The following IGF1R variants were observed in gnomAD, a reference collection of about 807,000 sequenced individuals.
The protein encoded by IGF1R is insulin like growth factor 1 receptor.
In IGF1R, 44 loss-of-function variants were observed where a neutral mutation model predicts 144.6. The ratio of observed to expected loss-of-function variants is 0.30; its 90% CI spans 0.24 to 0.39. The LOEUF is 0.39. Ranked by LOEUF, IGF1R falls within the 10% of genes least tolerant of loss-of-function variation. The pLI is 1.00. For synonymous variants in IGF1R, 795 were observed against 722.8 expected (o/e 1.10, Z -1.60); for missense variants, 1,355 against 1,833.7 (o/e 0.74, Z 4.77).
At chr15:98,836,635 C>G (rs529062680) in intron 2 of IGF1R, among the ~76,000 whole-genome samples, 1 of 152,066 alleles carries the variant, frequency 6.6e-6, no homozygotes, top group East Asian at 1.9e-4. Context: ...TGACACAATA[C>G]TGTTAACCAT....
chr15:98,670,265 G>A (rs775752954), intron 1 of IGF1R, among the ~76,000 whole-genome samples: 1 of 152,138 alleles, frequency 6.6e-6, no homozygotes, highest in Non-Finnish European at 1.5e-5. Context: ...AGATCATTTT[G>A]CCCAGAGGGA....
rs1172990213 is a variant in IGF1R at position 98,958,120 on chromosome 15, TGA to T, written c.*683_*684del. On this transcript the variant is annotated 3_prime_UTR_variant, in exon 21 of 21. Coordinates refer to ENST00000650285, the MANE Select transcript of IGF1R (RefSeq NM_000875.5). ...GAGCATGGCAGCTGGTTGCTCCATT[TGA>T]GAGACACGCTGGCGACACACTCCGT... 2.1e-5 allele frequency: 5 copies of T among 233,786 alleles called. No individual in the cohort carries two copies. Among genetic ancestry groups the T allele is most frequent in the African/African-American group, 6.6e-5 (3 of 45,316 alleles). The allele number at this position is 233,786 out of a possible 1,614,324, so 14.5% of individuals were successfully genotyped here. A position where few individuals can be genotyped will look rare whatever the true frequency, so the allele number is the denominator to read the frequency against.
At chr15:98,724,227 T>C (rs745753703) in intron 2 of IGF1R, among the ~76,000 whole-genome samples, 4 of 152,246 alleles carry the variant, frequency 2.6e-5, no homozygotes, top group Admixed American at 1.3e-4. Context: ...GTATCACTTA[T>C]GAACCAAGAA....
chr15:98,779,048 A>G (rs2055789440), intron 2 of IGF1R, among the ~76,000 whole-genome samples: 1 of 152,230 alleles, frequency 6.6e-6, no homozygotes, highest in South Asian at 2.1e-4. Flanking sequence ...TATTCTTACT[A>G]GCATCACTGT....
At chr15:98,899,678 A>ATTT in intron 5 of IGF1R, 57 bp downstream of exon 5, 2 of 1,569,314 alleles carry the variant, frequency 1.3e-6, no homozygotes, top group Non-Finnish European at 1.8e-6. Context: ...CAGCGTGCTT[A>ATTT]TGAAACTGTG....
intron 2 of IGF1R, among the ~76,000 whole-genome samples, chr15:98,854,351 A>T (rs2011674575): frequency 6.6e-6 from 1 of 152,164 alleles, no homozygotes; most frequent in African/African-American, 2.4e-5. Context: ...CCTGCCTGAG[A>T]TGAGCACAGT....
At chr15:98,689,438 C>A (rs545152299) in intron 1 of IGF1R, among the ~76,000 whole-genome samples, 1 of 29,902 alleles carries the variant, frequency 3.3e-5, no homozygotes, top group South Asian at 8.2e-4. Context: ...AAAGTTTCAT[C>A]ATGTTATTCA....
intron 2 of IGF1R, among the ~76,000 whole-genome samples, chr15:98,710,518 C>T (rs1231033759): frequency 1.3e-5 from 2 of 152,042 alleles, no homozygotes; most frequent in Non-Finnish European, 2.9e-5. Flanking sequence ...AAAATATACA[C>T]TAGATTTCCA....
In IGF1R at chr15:98,923,599, G is replaced by A. The variant is rs191659540; in HGVS notation, c.2486-277G>A. ...AGCAGGCTTTTTTTGTTGAGGGACT[G>A]GGGAGAAAGGAGGATCTTGTGGCAT... is the stretch of plus-strand genomic sequence containing the variant. On this transcript the variant is annotated intron_variant, in intron 11 of 20. Coordinates refer to ENST00000650285, the MANE Select transcript of IGF1R (RefSeq NM_000875.5). Among the ~76,000 whole-genome samples, 31 of 152,344 alleles carry A rather than the reference G, an allele frequency of 2.0e-4. No homozygotes were observed. In the East Asian group the frequency reaches 5.6e-3, roughly 27 times the overall value.
intron 2 of IGF1R, among the ~76,000 whole-genome samples, chr15:98,850,747 G>T (rs1287152689): frequency 6.7e-6 from 1 of 150,080 alleles, no homozygotes; most frequent in Admixed American, 6.6e-5. Flanking sequence ...GCACTTGGTG[G>T]GGGGGGGTAC....
At chr15:98,666,252 C>T (rs1202872735) in intron 1 of IGF1R, among the ~76,000 whole-genome samples, 2 of 151,992 alleles carry the variant, frequency 1.3e-5, no homozygotes, top group Non-Finnish European at 2.9e-5. Flanking sequence ...TGTTGGAACC[C>T]TTGTGCCTTA....
At chr15:98,886,002 G>C (rs2141643028) in intron 2 of IGF1R, among the ~76,000 whole-genome samples, 1 of 152,212 alleles carries the variant, frequency 6.6e-6, no homozygotes, top group East Asian at 1.9e-4. Context: ...TTTTTAGTAA[G>C]AGATGGGGTT....
At chr15:98,772,350 A>G (rs1019124577) in intron 2 of IGF1R, among the ~76,000 whole-genome samples, 1 of 151,954 alleles carries the variant, frequency 6.6e-6, no homozygotes, top group Non-Finnish European at 1.5e-5. Flanking sequence ...GTTGTTTTCA[A>G]ATTGAGTTCT....
intron 2 of IGF1R, among the ~76,000 whole-genome samples, chr15:98,855,388 G>A (rs1236827394): frequency 6.6e-6 from 1 of 152,224 alleles, no homozygotes; most frequent in Non-Finnish European, 1.5e-5. Flanking sequence ...GATTAACTGT[G>A]CCTGGCCCTG....
intron 2 of IGF1R, among the ~76,000 whole-genome samples, chr15:98,815,162 A>T (rs1185254168): frequency 1.3e-5 from 2 of 152,258 alleles, no homozygotes; most frequent in Non-Finnish European, 2.9e-5. Flanking sequence ...GAAATTTAAT[A>T]AAAAGTTTAA....
At chr15:98,954,879 C>G (rs1032884433) in intron 20 of IGF1R, among the ~76,000 whole-genome samples, 2 of 152,150 alleles carry the variant, frequency 1.3e-5, no homozygotes, top group Non-Finnish European at 2.9e-5. Flanking sequence ...AAACCACATC[C>G]CTGTGACATC....
At chr15:98,655,726 T>C (rs1169554647) in intron 1 of IGF1R, among the ~76,000 whole-genome samples, 1 of 145,874 alleles carries the variant, frequency 6.9e-6, no homozygotes, top group African/African-American at 2.8e-5. Context: ...GATTTTTTTT[T>C]CTTTTTTTTT....
At chr15:98,698,328 C>T (rs947369072) in intron 1 of IGF1R, among the ~76,000 whole-genome samples, 21 of 152,338 alleles carry the variant, frequency 1.4e-4, no homozygotes, top group African/African-American at 4.6e-4. Flanking sequence ...TGAGCCACCA[C>T]GCCCACCGGC....
intron 20 of IGF1R, among the ~76,000 whole-genome samples, chr15:98,955,060 C>T (rs1316426662): frequency 6.6e-6 from 1 of 152,188 alleles, no homozygotes; most frequent in African/African-American, 2.4e-5. Context: ...ATTTTGTAAT[C>T]TTGGACAAAT....
Sources: gnomAD v4.1 joint callset for allele counts (sites outside exome capture counted in the v4.1 genomes callset) on GRCh38, gnomAD v4.1.1 for gene constraint, MANE v1.5 for transcripts, NCBI Gene and HGNC (gene_info 2026-07-23, HGNC 2026-07-21) for gene names.